Variants in NRG3 observed in about 807,000 individuals in gnomAD.
NRG3 encodes pro-neuregulin-3, membrane-bound isoform.
In NRG3, 31 loss-of-function variants were observed where a neutral mutation model predicts 66.9. The observed-to-expected ratio is 0.46, with a 90% CI of 0.35 to 0.63. NRG3 has a LOEUF of 0.63. Ranked by LOEUF, NRG3 falls within the 20% of genes least tolerant of loss-of-function variation. The pLI, the probability that NRG3 is intolerant of heterozygous loss-of-function variation, is 0.00. For synonymous variants in NRG3, 393 were observed against 359.4 expected (o/e 1.09, Z -1.06); for missense variants, 910 against 878.9 (o/e 1.04, Z -0.45).
At chr10:82,757,128 A>T (rs1482328346) in intron 3 of NRG3, among the ~76,000 whole-genome samples, 4 of 152,120 alleles carry the variant, frequency 2.6e-5, no homozygotes, top group African/African-American at 7.2e-5. Flanking sequence ...GCTCTGGAGT[A>T]TGAAAAGTGT....
At chr10:82,147,728 A>G (rs2070366266) in intron 1 of NRG3, among the ~76,000 whole-genome samples, 1 of 152,148 alleles carries the variant, frequency 6.6e-6, no homozygotes, top group Non-Finnish European at 1.5e-5. Context: ...GTAATCATGC[A>G]TATGCAAAAT....
At chr10:82,860,235 C>T (rs374669901) in intron 3 of NRG3, among the ~76,000 whole-genome samples, 3 of 152,252 alleles carry the variant, frequency 2.0e-5, no homozygotes, top group East Asian at 1.9e-4. Context: ...TTGTCTGCCC[C>T]GCTACCTAGC....
At chr10:82,210,987 A>T (rs1323649478) in intron 1 of NRG3, among the ~76,000 whole-genome samples, 2 of 151,776 alleles carry the variant, frequency 1.3e-5, no homozygotes, top group Non-Finnish European at 2.9e-5. Flanking sequence ...TTTTGTACTT[A>T]CAGAATCATA....
intron 2 of NRG3, among the ~76,000 whole-genome samples, chr10:82,637,885 A>G (rs2050303386): frequency 6.7e-6 from 1 of 149,730 alleles, no homozygotes; most frequent in Non-Finnish European, 1.5e-5. Context: ...CGGTAAAGTT[A>G]ATTTCCCAAT....
intron 2 of NRG3, among the ~76,000 whole-genome samples, chr10:82,673,521 G>C (rs941173662): frequency 1.3e-5 from 2 of 152,154 alleles, no homozygotes; most frequent in Non-Finnish European, 2.9e-5. Context: ...ACTGTATTTG[G>C]AATTAAGGTG....
chr10:82,358,337 T>C (rs915895881), intron 1 of NRG3, among the ~76,000 whole-genome samples: 4 of 152,116 alleles, frequency 2.6e-5, no homozygotes, highest in Admixed American at 1.3e-4. Context: ...AGTCACAATA[T>C]ACATTGATCA....
chr10:82,810,239 A>T (rs990041999), intron 3 of NRG3, among the ~76,000 whole-genome samples: 3 of 152,074 alleles, frequency 2.0e-5, no homozygotes, highest in African/African-American at 4.8e-5. Flanking sequence ...AAGGTTATGG[A>T]TATGTATTGG....
At chr10:82,829,789 G>A (rs2062424773) in intron 3 of NRG3, among the ~76,000 whole-genome samples, 1 of 152,124 alleles carries the variant, frequency 6.6e-6, no homozygotes. Context: ...AAAGCTTGGT[G>A]GAACAGATTA....
intron 2 of NRG3, among the ~76,000 whole-genome samples, chr10:82,582,787 A>G (rs2046437526): frequency 6.6e-6 from 1 of 152,072 alleles, no homozygotes; most frequent in Admixed American, 6.6e-5. Context: ...AATAGTTTAC[A>G]TTTATATAGC....
At chr10:82,577,842 CCT>C (rs1381524847) in intron 2 of NRG3, among the ~76,000 whole-genome samples, 1 of 151,728 alleles carries the variant, frequency 6.6e-6, no homozygotes, top group African/African-American at 2.4e-5. Flanking sequence ...AGGTTTTCTT[CCT>C]CTCAACAATT....
Position 82,372,174 on chromosome 10 carries a change from A to G in NRG3, c.953+13306A>G, listed in dbSNP as rs752849180. On this transcript the variant is annotated intron_variant, in intron 2 of 8. Coordinates refer to ENST00000372141, the MANE Select transcript of NRG3 (RefSeq NM_001010848.4). ...TGGAAGCCTACTCTTGCTGGCCAAC[A>G]AAGGCTTGGAGAGTTGAGCTGCTAT... Among the ~76,000 whole-genome samples, 55 of 152,238 alleles carry G rather than the reference A, an allele frequency of 3.6e-4. 1 individual carries two copies. Among genetic ancestry groups the G allele is most frequent in the Middle Eastern group, 3.2e-3 (1 of 316 alleles).
In NRG3 at chr10:82,128,917, T is replaced by C. The variant is rs778849371; in HGVS notation, c.824-229822T>C. On this transcript the variant is annotated intron_variant, in intron 1 of 8. Transcript: ENST00000372141. ...CATCTTAATTTGCTTGAGATTTCGGTACCCTAAATTTTTGAAGGTGGAGTC... is the reference window on the plus strand; with the variant it reads ...CATCTTAATTTGCTTGAGATTTCGGCACCCTAAATTTTTGAAGGTGGAGTC... Among the ~76,000 whole-genome samples the C allele has an allele frequency of 4.6e-4, 70 of 152,116 alleles. 1 individual carries two copies. The highest frequency in any genetic ancestry group is 3.4e-3 in the Middle Eastern group (1 of 292).
At chr10:82,596,609 A>G (rs991228308) in intron 2 of NRG3, among the ~76,000 whole-genome samples, 7 of 152,272 alleles carry the variant, frequency 4.6e-5, no homozygotes, top group Non-Finnish European at 8.8e-5. Flanking sequence ...TTAATCAACT[A>G]TAGGCCACAC....
At chr10:82,408,085 C>CAGACAGAA (rs2087715803) in intron 2 of NRG3, among the ~76,000 whole-genome samples, 1 of 74,860 alleles carries the variant, frequency 1.3e-5, no homozygotes, top group Non-Finnish European at 2.4e-5. Context: ...GAGAGAGAGA[C>CAGACAGAA]AGAAAGAAAG....
chr10:82,690,919 C>T (rs1387356826), intron 2 of NRG3, among the ~76,000 whole-genome samples: 1 of 152,028 alleles, frequency 6.6e-6, no homozygotes, highest in Non-Finnish European at 1.5e-5. Flanking sequence ...CCCTGACAGC[C>T]CCTGCTCATT....
At chr10:82,783,201 G>A (rs1268522144) in intron 3 of NRG3, among the ~76,000 whole-genome samples, 2 of 151,918 alleles carry the variant, frequency 1.3e-5, no homozygotes, top group African/African-American at 2.4e-5. Context: ...TTGATGGGAC[G>A]TATCTCAAAA....
intron 2 of NRG3, among the ~76,000 whole-genome samples, chr10:82,438,526 A>T (rs1217983740): frequency 6.6e-6 from 1 of 152,146 alleles, no homozygotes; most frequent in African/African-American, 2.4e-5. Context: ...AGGAGCTTAA[A>T]CCACTTAGAC....
intron 1 of NRG3, among the ~76,000 whole-genome samples, chr10:82,319,119 A>G (rs79518807): frequency 0.012 from 1,832 of 152,336 alleles, 28 homozygotes; most frequent in African/African-American, 0.036. Context: ...CTGTGACTTT[A>G]AAATACATGT....
At chr10:81,983,379 A>G (rs2060406170) in intron 1 of NRG3, among the ~76,000 whole-genome samples, 1 of 152,116 alleles carries the variant, frequency 6.6e-6, no homozygotes, top group Admixed American at 6.5e-5. Context: ...TATCTTGGGG[A>G]TGCTTTCTCT....
Sources: allele counts gnomAD v4.1 joint callset (sites outside exome capture counted in the v4.1 genomes callset), GRCh38; gene constraint gnomAD v4.1.1; transcripts MANE v1.5; gene names NCBI Gene and HGNC (gene_info 2026-07-23, HGNC 2026-07-21).